The following TBC1D22A variants were observed in gnomAD, a reference collection of about 807,000 sequenced individuals.
TBC1D22A encodes the protein TBC1 domain family member 22A.
In TBC1D22A, 38 loss-of-function variants were observed where a neutral mutation model predicts 60.2. That is an observed-to-expected ratio of 0.63 (90% confidence interval 0.49 to 0.83). The LOEUF (loss-of-function observed/expected upper bound fraction) is 0.83, where lower values mean the gene tolerates loss of function less well. TBC1D22A is among the 40% of genes least tolerant of loss of function. The pLI is 0.00. For missense variants in TBC1D22A, 628 were observed against 701.0 expected (o/e 0.90, Z 1.18); for synonymous variants, 302 against 281.7 (o/e 1.07, Z -0.72).
intron 12 of TBC1D22A, among the ~76,000 whole-genome samples, chr22:47,128,749 C>G (rs2066582004): frequency 6.6e-6 from 1 of 152,134 alleles, no homozygotes; most frequent in Non-Finnish European, 1.5e-5. Flanking sequence ...ATGACCGTGG[C>G]TAAGCCACGG....
At chr22:46,980,062 C>T (rs1413056635) in intron 9 of TBC1D22A, among the ~76,000 whole-genome samples, 1 of 152,018 alleles carries the variant, frequency 6.6e-6, no homozygotes, top group Non-Finnish European at 1.5e-5. Flanking sequence ...AGGATTTGTA[C>T]CCAGAGACCT....
At chr22:46,917,035 G>A (rs1468112035) in intron 8 of TBC1D22A, among the ~76,000 whole-genome samples, 4 of 152,202 alleles carry the variant, frequency 2.6e-5, no homozygotes, top group East Asian at 1.9e-4. Context: ...CCAAGCGTGC[G>A]TGCTTGTTCT....
chr22:47,154,782 C>G (rs1430141872), intron 12 of TBC1D22A, among the ~76,000 whole-genome samples: 1 of 152,248 alleles, frequency 6.6e-6, no homozygotes, highest in Non-Finnish European at 1.5e-5. Context: ...CTTCCCCTCC[C>G]CACTCTCAGC....
chr22:47,090,099 G>A (rs1260438579), intron 11 of TBC1D22A, among the ~76,000 whole-genome samples: 1 of 152,150 alleles, frequency 6.6e-6, no homozygotes, highest in South Asian at 2.1e-4. Context: ...CAGAGGGGTG[G>A]GGGGGCGGTC....
At chr22:46,811,013 G>A (rs2085353903) in intron 4 of TBC1D22A, among the ~76,000 whole-genome samples, 1 of 152,226 alleles carries the variant, frequency 6.6e-6, no homozygotes, top group African/African-American at 2.4e-5. Context: ...GCCAGGCTGT[G>A]TGTCAGAGTC....
intron 11 of TBC1D22A, among the ~76,000 whole-genome samples, chr22:47,084,930 A>C (rs576242911): frequency 1.3e-5 from 2 of 152,358 alleles, no homozygotes; most frequent in East Asian, 3.9e-4. Context: ...CTTAAACAAT[A>C]GATGGTAACT....
intron 12 of TBC1D22A, among the ~76,000 whole-genome samples, chr22:47,115,587 C>G (rs1265405152): frequency 6.6e-6 from 1 of 152,206 alleles, no homozygotes; most frequent in Non-Finnish European, 1.5e-5. Context: ...TCCTTGCCCT[C>G]TGTGGGTCAT....
chr22:46,829,101 G>A (rs548219548), intron 4 of TBC1D22A, among the ~76,000 whole-genome samples: 73 of 152,244 alleles, frequency 4.8e-4, no homozygotes, highest in Admixed American at 1.2e-3. Flanking sequence ...TCCCTGCTTC[G>A]CTTCTGTGCA....
In TBC1D22A at chr22:46,963,198, G is replaced by A. The variant is rs983442352; in HGVS notation, c.1016-11092G>A. 7.8e-5 allele frequency among the ~76,000 whole-genome samples: 11 copies of A among 141,572 alleles called. No homozygotes were observed. The East Asian group carries it at 1.2e-3, about 16-fold the overall frequency. The allele number at this position is 141,572 out of a possible 152,430, so 92.9% of individuals were successfully genotyped here. A position where few individuals can be genotyped will look rare whatever the true frequency, so the allele number is the denominator to read the frequency against. ...AAGGAGCGCCACCGCACTATAGCCCGGGTGACAGAGCAAGACTCCGTCTCA... is the reference window on the plus strand; with the variant it reads ...AAGGAGCGCCACCGCACTATAGCCCAGGTGACAGAGCAAGACTCCGTCTCA... On this transcript the variant is annotated intron_variant, in intron 8 of 12. Transcript: ENST00000337137.
At chr22:47,047,424 C>T (rs566929022) in intron 11 of TBC1D22A, among the ~76,000 whole-genome samples, 36 of 152,296 alleles carry the variant, frequency 2.4e-4, no homozygotes, top group African/African-American at 5.3e-4. Flanking sequence ...GCGTGCTGGG[C>T]GCTGAAGGAG....
intron 12 of TBC1D22A, among the ~76,000 whole-genome samples, chr22:47,145,639 T>C (rs2067260388): frequency 6.6e-6 from 1 of 152,372 alleles, no homozygotes; most frequent in Non-Finnish European, 1.5e-5. Context: ...AGAGGTATTC[T>C]TGTTTTAGAG....
At chr22:46,926,336 G>A (rs1602512755) in intron 8 of TBC1D22A, among the ~76,000 whole-genome samples, 1 of 152,276 alleles carries the variant, frequency 6.6e-6, no homozygotes, top group East Asian at 1.9e-4. Context: ...CAGACTTGTA[G>A]CTAGACTGAC....
chr22:46,764,130 C>T (rs1381068039), intron 1 of TBC1D22A: 5 of 152,096 alleles, frequency 3.3e-5, no homozygotes, highest in Non-Finnish European at 1.5e-5. Flanking sequence ...TAAGAGTGAT[C>T]TGGGGGTTAG....
chr22:47,018,574 T>G (rs1412311803), intron 10 of TBC1D22A, among the ~76,000 whole-genome samples: 2 of 152,100 alleles, frequency 1.3e-5, no homozygotes, highest in Non-Finnish European at 2.9e-5. Flanking sequence ...TTCATGTGAG[T>G]CAGTCACTGT....
rs1453649393 is a variant in TBC1D22A at position 46,990,461 on chromosome 22, T to C, written c.1126-7173T>C. Among the ~76,000 whole-genome samples, 2 of 152,162 alleles carry C rather than the reference T, an allele frequency of 1.3e-5. No homozygotes were observed. Among genetic ancestry groups the C allele is most frequent in the East Asian group, 3.9e-4 (2 of 5,194 alleles). Reference sequence around the variant, plus strand: ...GCCTCCCTGTGATTAGTATCTCACATCACTGACTTCAGTGTGGCATATGTG... The same window carrying C: ...GCCTCCCTGTGATTAGTATCTCACACCACTGACTTCAGTGTGGCATATGTG... On this transcript the variant is annotated intron_variant, in intron 9 of 12. Coordinates refer to ENST00000337137, the MANE Select transcript of TBC1D22A (RefSeq NM_014346.5). This position sits in a 1 kb window ranked among gnomAD's most constrained non-coding sequence, Gnocchi z 4.6.
intron 8 of TBC1D22A, among the ~76,000 whole-genome samples, chr22:46,969,018 C>T (rs545083136): frequency 9.2e-5 from 14 of 152,242 alleles, no homozygotes; most frequent in African/African-American, 3.4e-4. Context: ...GCTATCCCCA[C>T]CTTGTAGCAC....
In TBC1D22A at chr22:46,781,406, A is replaced by G. The variant is rs187728037; in HGVS notation, c.63-11114A>G. ...GCCCGTGCTGGTCTTGAACTCCTGG[A>G]CTCAAACGATCTGCCTACCTTGGCC... On this transcript the variant is annotated intron_variant, in intron 1 of 12. Coordinates refer to ENST00000337137, the MANE Select transcript of TBC1D22A (RefSeq NM_014346.5). Among the ~76,000 whole-genome samples, 28 of 152,068 alleles carry G rather than the reference A, an allele frequency of 1.8e-4. No homozygotes were observed. The East Asian group carries it at 5.4e-3, about 29-fold the overall frequency.
intron 11 of TBC1D22A, among the ~76,000 whole-genome samples, chr22:47,068,349 C>G (rs1435426343): frequency 6.6e-6 from 1 of 152,210 alleles, no homozygotes; most frequent in Admixed American, 6.5e-5. Context: ...TTACCAAAGG[C>G]CATCAGGAGA....
chr22:46,874,782 C>T (rs2147461788), intron 4 of TBC1D22A, among the ~76,000 whole-genome samples: 1 of 152,080 alleles, frequency 6.6e-6, no homozygotes, highest in South Asian at 2.1e-4. Flanking sequence ...CCATGTTGCC[C>T]AGGCTGGTCT....
Sources: allele counts gnomAD v4.1 joint callset (sites outside exome capture counted in the v4.1 genomes callset), GRCh38; gene constraint gnomAD v4.1.1; non-coding constraint Gnocchi (gnomAD v3.1); transcripts MANE v1.5; gene names NCBI Gene and HGNC (gene_info 2026-07-23, HGNC 2026-07-21).